The following FOXP2 variants were observed in gnomAD, a reference collection of about 807,000 sequenced individuals.
FOXP2 encodes the protein forkhead box P2, also known as forkhead box protein P2.
A neutral mutation model predicts 115.8 loss-of-function variants in FOXP2; 12 were observed. The observed-to-expected ratio is 0.10, with a 90% confidence interval of 0.07 to 0.17. FOXP2 has a LOEUF of 0.17. Among genes scored for constraint, FOXP2 ranks in the 10% least tolerant of loss-of-function variants. The pLI is 1.00. For synonymous variants in FOXP2, 328 were observed against 297.7 expected (o/e 1.10, Z -1.05); for missense variants, 629 against 843.5 (o/e 0.75, Z 3.15).
intron 1 of FOXP2, chr7:114,285,366 C>T (rs1796442244): frequency 6.6e-6 from 1 of 152,046 alleles, no homozygotes; most frequent in South Asian, 2.1e-4. Context: ...ACTTCTATTA[C>T]CTAAATAATA....
At chr7:114,204,793 A>G (rs1794157964) in intron 1 of FOXP2, among the ~76,000 whole-genome samples, 1 of 152,134 alleles carries the variant, frequency 6.6e-6, no homozygotes, top group Non-Finnish European at 1.5e-5. Context: ...TTTAAGCATC[A>G]GTGAAATGGC....
intron 2 of FOXP2, among the ~76,000 whole-genome samples, chr7:114,516,359 G>A (rs1422073245): frequency 6.6e-6 from 1 of 152,116 alleles, no homozygotes; most frequent in African/African-American, 2.4e-5. Flanking sequence ...CTAGCCATAT[G>A]TAGAAAGCTG....
At chr7:114,217,695 G>C (rs993786398) in intron 1 of FOXP2, among the ~76,000 whole-genome samples, 1 of 152,106 alleles carries the variant, frequency 6.6e-6, no homozygotes, top group African/African-American at 2.4e-5. Flanking sequence ...GAAGTCTAAT[G>C]GGTACCACAA....
Position 114,536,871 on chromosome 7 carries a change from C to T in FOXP2, c.258+2165C>T, listed in dbSNP as rs573535998. Among the ~76,000 whole-genome samples the T allele has an allele frequency of 5.0e-3, 759 of 151,490 alleles. 8 individuals carry two copies. The highest frequency in any genetic ancestry group is 0.018 in the African/African-American group (733 of 41,478). On this transcript the variant is annotated intron_variant, in intron 3 of 16. Coordinates refer to ENST00000350908, the MANE Select transcript of FOXP2 (RefSeq NM_014491.4). ...AATGAGACTTATTCACCAAAATATA[C>T]ACTGCAATTAATAAAATGTGAGCCT... is the stretch of plus-strand genomic sequence containing the variant.
chr7:114,628,526 T>C lies in FOXP2; in HGVS notation c.259-14T>C, dbSNP rs1804717757. 1.2e-6 allele frequency: 2 copies of C among 1,614,002 alleles called. No individual in the cohort carries two copies. The highest frequency in any genetic ancestry group is 1.7e-6 in the Non-Finnish European group (2 of 1,179,988). ...TGACCACGAATTTTCTTTCTCTTTC[T>C]CTTTCTGTGCAAGGTGCCTGTGTCA... On this transcript the variant is annotated splice_polypyrimidine_tract_variant and intron_variant, in intron 3 of 16. Transcript: ENST00000350908.
intron 2 of FOXP2, among the ~76,000 whole-genome samples, chr7:114,367,121 T>G (rs1438479965): frequency 6.6e-6 from 1 of 152,104 alleles, no homozygotes; most frequent in African/African-American, 2.4e-5. Flanking sequence ...TATTAAATAG[T>G]ACAGTTCAGA....
At chr7:114,665,590 C>T (rs999725349) in intron 16 of FOXP2, 2 of 152,022 alleles carry the variant, frequency 1.3e-5, no homozygotes, top group Non-Finnish European at 2.9e-5. Context: ...CTTTATAGCA[C>T]TTTTACTCTA....
intron 3 of FOXP2, chr7:114,570,832 G>C: frequency 1.2e-6 from 2 of 1,611,848 alleles, no homozygotes; most frequent in Non-Finnish European, 1.7e-6. Flanking sequence ...ACAAAATTAT[G>C]TATCTGTGGC....
intron 3 of FOXP2, among the ~76,000 whole-genome samples, chr7:114,535,203 AGTTT>A (rs1451574647): frequency 6.6e-6 from 1 of 151,630 alleles, no homozygotes; most frequent in East Asian, 1.9e-4. Flanking sequence ...CACATTCTGG[AGTTT>A]GTTGTCCTTA....
chr7:114,349,961 G>C (rs1265157616), intron 2 of FOXP2, among the ~76,000 whole-genome samples: 1 of 152,026 alleles, frequency 6.6e-6, no homozygotes, highest in Non-Finnish European at 1.5e-5. Context: ...TTGAGGAAAT[G>C]CTATGTTACA....
At chr7:114,450,069 A>C (rs576022796) in intron 2 of FOXP2, among the ~76,000 whole-genome samples, 2 of 151,962 alleles carry the variant, frequency 1.3e-5, no homozygotes, top group African/African-American at 4.8e-5. Context: ...AGCTAATTGC[A>C]GATGTTCAGA....
At chr7:114,096,483 G>A (rs1038001593) in intron 1 of FOXP2, among the ~76,000 whole-genome samples, 1 of 151,858 alleles carries the variant, frequency 6.6e-6, no homozygotes, top group Non-Finnish European at 1.5e-5. Flanking sequence ...ATCCCTAATC[G>A]TACGTGTCCG....
At chr7:114,576,178 G>A in intron 3 of FOXP2, among the ~76,000 whole-genome samples, 1 of 151,894 alleles carries the variant, frequency 6.6e-6, no homozygotes, top group South Asian at 2.1e-4. Flanking sequence ...AAACATTCCA[G>A]ATGCTGTATC....
chr7:114,158,355 G>T (rs1728428), upstream of FOXP2, among the ~76,000 whole-genome samples: 3,966 of 151,632 alleles, frequency 0.026, 183 homozygotes, highest in African/African-American at 0.088. Context: ...ATTATTTGTT[G>T]GTATTTATTT....
At chr7:114,588,936 A>G (rs1402282812) in intron 3 of FOXP2, among the ~76,000 whole-genome samples, 2 of 152,212 alleles carry the variant, frequency 1.3e-5, no homozygotes, top group East Asian at 3.9e-4. Flanking sequence ...GTAGGAATTT[A>G]GTGATTTTTC....
chr7:114,477,784 T>A (rs887502808), intron 2 of FOXP2, among the ~76,000 whole-genome samples: 21 of 151,924 alleles, frequency 1.4e-4, no homozygotes, highest in African/African-American at 4.8e-4. Flanking sequence ...TGGGGAAAAT[T>A]GAATTATACA....
Position 114,176,263 on chromosome 7 carries a change from C to CCTTTCTTTCTTTCTTT in FOXP2, c.-102+13198_-102+13213dup, listed in dbSNP as rs377227249. 1.5e-3 allele frequency among the ~76,000 whole-genome samples: 184 copies of CCTTTCTTTCTTTCTTT among 123,496 alleles called. 4 individuals carry two copies. Among genetic ancestry groups the CCTTTCTTTCTTTCTTT allele is most frequent in the African/African-American group, 6.0e-3 (159 of 26,516 alleles). The allele number at this position is 123,496 out of a possible 152,430, so 81.0% of individuals were successfully genotyped here. On this transcript the variant is annotated intron_variant, in intron 1 of 17. Coordinates refer to the FOXP2 transcript ENST00000634411. ...TTCTTTCTTTCTCTCTCTCTCTTTC[C>CCTTTCTTTCTTTCTTT]CTTTCTTTCTTTCTTTCTTTCTTTC... is the stretch of plus-strand genomic sequence containing the variant.
chr7:114,518,899 G>A (rs9969232), intron 2 of FOXP2, among the ~76,000 whole-genome samples: 113,893 of 152,130 alleles, frequency 0.75, 44,214 homozygotes, highest in East Asian at 0.94. Context: ...GAAATGACAG[G>A]AATTGAAAAT....
intron 1 of FOXP2, among the ~76,000 whole-genome samples, chr7:114,270,397 A>G (rs1203050964): frequency 1.3e-5 from 2 of 152,174 alleles, no homozygotes; most frequent in Non-Finnish European, 2.9e-5. Context: ...AGAAACTGCC[A>G]CAGTCTTTCA....
Sources: gnomAD v4.1 joint callset for allele counts (sites outside exome capture counted in the v4.1 genomes callset) on GRCh38, gnomAD v4.1.1 for gene constraint, MANE v1.5 for transcripts, NCBI Gene and HGNC (gene_info 2026-07-23, HGNC 2026-07-21) for gene names.